SLC7A1: variants seen among roughly 807,000 people sequenced by gnomAD.
SLC7A1 encodes high affinity cationic amino acid transporter 1.
SLC7A1 carries 10 observed loss-of-function variants against 53.9 expected under a neutral mutation model. The ratio of observed to expected loss-of-function variants is 0.19; its 90% CI spans 0.11 to 0.31. SLC7A1 has a LOEUF of 0.31. Among genes scored for constraint, SLC7A1 ranks in the 10% least tolerant of loss-of-function variants. The probability of loss-of-function intolerance (pLI) is 1.00; values close to 1 mark genes in which losing one functional copy is unlikely to be tolerated. For synonymous variants in SLC7A1, 342 were observed against 338.7 expected (o/e 1.01, Z -0.11); for missense variants, 525 against 827.2 (o/e 0.63, Z 4.48).
Position 29,532,687 on chromosome 13 carries a change from A to T in SLC7A1, c.529+137T>A, listed in dbSNP as rs144461419. ...GACAGGAACAAATAAAGATGCCTGCATGCAGTACAAAAACAAAACAAAAAG... is the reference window on the plus strand; with the variant it reads ...GACAGGAACAAATAAAGATGCCTGCTTGCAGTACAAAAACAAAACAAAAAG... On this transcript the variant is annotated intron_variant, in intron 4 of 12. Coordinates refer to ENST00000380752, the MANE Select transcript of SLC7A1 (RefSeq NM_003045.5). 57 of 705,606 alleles carry T rather than the reference A, an allele frequency of 8.1e-5. No individual in the cohort carries two copies. In the African/African-American group the frequency reaches 9.4e-4, roughly 12 times the overall value. 43.7% of individuals were successfully genotyped at this position (705,606 alleles called of 1,614,324 possible). A position where few individuals can be genotyped will look rare whatever the true frequency, so the allele number is the denominator to read the frequency against.
chr13:29,529,288 T>C (rs768994023), intron 5 of SLC7A1, among the ~76,000 whole-genome samples: 10 of 152,210 alleles, frequency 6.6e-5, no homozygotes, highest in Non-Finnish European at 1.2e-4. Context: ...CACACATCAA[T>C]GCCTGCCCAC....
Position 29,517,653 on chromosome 13 carries a change from A to G in SLC7A1, c.1430T>C (p.Leu477Ser). ...GFLPEAEMFS[L>S]KTILSPKNME... ...GTTTTTGGGTGAGAGTATGGTTTTC[A>G]AAGAGAACATCTCTGCCTCTGGTAA... is the stretch of plus-strand genomic sequence containing the variant. The change falls in exon 10 of 13, where the codon TTG (leucine) becomes TCG (serine). Residue 477 changes from leucine to serine, a missense_variant. Transcript: ENST00000380752. 1 of 1,614,214 alleles carries G rather than the reference A, an allele frequency of 6.2e-7. No individual in the cohort carries two copies. The highest frequency in any genetic ancestry group is 8.5e-7 in the Non-Finnish European group (1 of 1,180,034).
intron 1 of SLC7A1, among the ~76,000 whole-genome samples, chr13:29,578,987 C>T (rs746178757): frequency 2.6e-5 from 4 of 152,198 alleles, no homozygotes; most frequent in Non-Finnish European, 5.9e-5. Context: ...AGAAGAGAAA[C>T]AGATACAAGT....
intron 2 of SLC7A1, among the ~76,000 whole-genome samples, chr13:29,540,549 ACCTT>A (rs1447209076): frequency 5.3e-5 from 8 of 152,216 alleles, no homozygotes; most frequent in African/African-American, 1.7e-4. Flanking sequence ...TGACGTTTTC[ACCTT>A]GAATTTAACG....
chr13:29,522,483 A>G, intron 7 of SLC7A1, 27 bp from the exon 8 acceptor site: 1 of 1,613,904 alleles, frequency 6.2e-7, no homozygotes, highest in East Asian at 2.2e-5. Context: ...AAACCGCGTG[A>G]GTGAACCTGG....
At chr13:29,524,358 C>G in intron 5 of SLC7A1, 105 bp from the exon 6 acceptor site, 1 of 1,435,572 alleles carries the variant, frequency 7.0e-7, no homozygotes, top group Non-Finnish European at 9.5e-7. Context: ...AGTCAGCCCT[C>G]CCTGTTACCG....
chr13:29,555,174 T>C (rs819392), intron 1 of SLC7A1, among the ~76,000 whole-genome samples: 14,999 of 148,782 alleles, frequency 0.1, 882 homozygotes, highest in Middle Eastern at 0.16. Flanking sequence ...CCGGCTAAAA[T>C]GGTGAAACCC....
At chr13:29,582,443 A>G (rs1301461336) in intron 1 of SLC7A1, among the ~76,000 whole-genome samples, 1 of 152,230 alleles carries the variant, frequency 6.6e-6, no homozygotes, top group East Asian at 1.9e-4. Context: ...GGACTCTGGG[A>G]CAGCAGCCTC....
At chr13:29,576,293 T>TAAAAAAAAA (rs3069134) in intron 1 of SLC7A1, among the ~76,000 whole-genome samples, 20 of 124,960 alleles carry the variant, frequency 1.6e-4, no homozygotes, top group African/African-American at 6.9e-4. Context: ...TCCTGTTTTT[T>TAAAAAAAAA]AAAAAAAAAA....
intron 1 of SLC7A1, among the ~76,000 whole-genome samples, chr13:29,567,588 G>A (rs376826455): frequency 6.6e-5 from 10 of 152,316 alleles, no homozygotes; most frequent in African/African-American, 2.4e-4. Flanking sequence ...CTCTGCCAAG[G>A]CACACCTGAC....
rs149521121 is a variant in SLC7A1 at position 29,541,312 on chromosome 13, C to T, written c.-14-5110G>A. Among the ~76,000 whole-genome samples the T allele has an allele frequency of 4.6e-5, 7 of 152,286 alleles. No individual in the cohort carries two copies. The East Asian group carries it at 1.2e-3, about 25-fold the overall frequency. The stretch of plus-strand genomic sequence containing the variant: ...GGTAAGGAAGAGACAGAACTGAACA[C>T]GGTCTTGAGAAGGAGCAATGGAGGT... On this transcript the variant is annotated intron_variant, in intron 2 of 12. Coordinates refer to ENST00000380752, the MANE Select transcript of SLC7A1 (RefSeq NM_003045.5).
chr13:29,587,267 G>C (rs145051395), intron 1 of SLC7A1, among the ~76,000 whole-genome samples: 52 of 152,266 alleles, frequency 3.4e-4, no homozygotes, highest in Non-Finnish European at 6.8e-4. Flanking sequence ...GACCCGTTCT[G>C]GGCCAGGAAA....
chr13:29,512,198 A>T lies in SLC7A1; in HGVS notation c.*2282T>A, dbSNP rs1883413765. The T allele has an allele frequency of 6.6e-6, 1 of 152,198 alleles. No homozygotes were observed. Among genetic ancestry groups the T allele is most frequent in the Non-Finnish European group, 1.5e-5 (1 of 68,034 alleles). 9.4% of individuals were successfully genotyped at this position (152,198 alleles called of 1,614,324 possible). A position where few individuals can be genotyped will look rare whatever the true frequency, so the allele number is the denominator to read the frequency against. On this transcript the variant is annotated 3_prime_UTR_variant, in exon 13 of 13. Coordinates refer to ENST00000380752, the MANE Select transcript of SLC7A1 (RefSeq NM_003045.5). Reference sequence around the variant, plus strand: ...CCCACGTGTCCTTTCCTAACCAGGAAGCCCGTCCTCTAAGGAGGGGGCATG... The same window carrying T: ...CCCACGTGTCCTTTCCTAACCAGGATGCCCGTCCTCTAAGGAGGGGGCATG...
chr13:29,575,636 T>G (rs936740649), intron 1 of SLC7A1, among the ~76,000 whole-genome samples: 1 of 152,242 alleles, frequency 6.6e-6, no homozygotes, highest in Non-Finnish European at 1.5e-5. Context: ...CTTTTAGGTA[T>G]TTTATGACAC....
At chr13:29,593,638 G>A (rs747615362) in intron 1 of SLC7A1, among the ~76,000 whole-genome samples, 67 of 152,130 alleles carry the variant, frequency 4.4e-4, no homozygotes, top group Non-Finnish European at 5.1e-4. Context: ...ATGGACTTTG[G>A]TTAAAATAAA....
rs543769534 is a variant in SLC7A1 at position 29,556,983 on chromosome 13, A to G, written c.-114-3123T>C. On this transcript the variant is annotated intron_variant, in intron 1 of 12. Transcript: ENST00000380752. ...CATGCTAAACTTAAAAGTCTAAAGA[A>G]AGGCATGCCATATGTTAAGCCAGGA... Among the ~76,000 whole-genome samples the G allele has an allele frequency of 9.8e-5, 15 of 152,350 alleles. No individual in the cohort carries two copies. In the South Asian group the frequency reaches 3.1e-3, roughly 32 times the overall value.
chr13:29,587,365 C>A (rs749578502), intron 1 of SLC7A1, among the ~76,000 whole-genome samples: 1 of 152,236 alleles, frequency 6.6e-6, no homozygotes, highest in Non-Finnish European at 1.5e-5. Flanking sequence ...ACTTCACTAC[C>A]TGCACCAGTT....
Position 29,536,200 on chromosome 13 carries a change from G to A in SLC7A1, c.-12C>T. The A allele has an allele frequency of 1.2e-6, 2 of 1,602,216 alleles. No homozygotes were observed. Among genetic ancestry groups the A allele is most frequent in the Non-Finnish European group, 1.7e-6 (2 of 1,171,562 alleles). On this transcript the variant is annotated splice_region_variant and 5_prime_UTR_variant, in exon 3 of 13. Coordinates refer to ENST00000380752, the MANE Select transcript of SLC7A1 (RefSeq NM_003045.5). The stretch of plus-strand genomic sequence containing the variant: ...ACTTTGCACCCCATGTTGCTGTTCA[G>A]AGCTGTTGAAAAAGAACAAAGATGT...
chr13:29,580,280 G>A (rs747502942), intron 1 of SLC7A1, among the ~76,000 whole-genome samples: 8 of 152,164 alleles, frequency 5.3e-5, no homozygotes, highest in Non-Finnish European at 8.8e-5. Flanking sequence ...GTCCCCAGGA[G>A]GACTCCCGAG....
Sources: gnomAD v4.1 joint callset for allele counts (sites outside exome capture counted in the v4.1 genomes callset) on GRCh38, gnomAD v4.1.1 for gene constraint, MANE v1.5 for transcripts, NCBI Gene and HGNC (gene_info 2026-07-23, HGNC 2026-07-21) for gene names.